The following CALN1 variants were observed in gnomAD, a reference collection of about 807,000 sequenced individuals.
The protein encoded by CALN1 is calcium-binding protein 8.
Under a neutral mutation model 30.6 loss-of-function variants are expected in CALN1, and 17 were observed. The observed-to-expected ratio is 0.56, with a 90% CI of 0.38 to 0.83. The LOEUF (loss-of-function observed/expected upper bound fraction) is 0.83, where lower values mean the gene tolerates loss of function less well. Ranked by LOEUF, CALN1 falls within the 40% of genes least tolerant of loss-of-function variation. CALN1 has a pLI of 0.00. For synonymous variants in CALN1, 156 were observed against 131.4 expected, an observed-to-expected ratio of 1.19 and a Z score of -1.28; for missense variants, 291 against 354.9, an observed-to-expected ratio of 0.82 and a Z score of 1.45.
chr7:71,962,445 AAATACC>A (rs1291615773), intron 5 of CALN1, among the ~76,000 whole-genome samples: 1 of 152,158 alleles, frequency 6.6e-6, no homozygotes, highest in African/African-American at 2.4e-5. Context: ...TACCTGTAAC[AAATACC>A]AATACCGAGT....
chr7:72,359,804 T>G (rs1803453449), intron 2 of CALN1, among the ~76,000 whole-genome samples: 1 of 151,102 alleles, frequency 6.6e-6, no homozygotes, highest in South Asian at 2.1e-4. Flanking sequence ...TGAATCCCCG[T>G]CTCTACTAAA....
the CALN1 span, among the ~76,000 whole-genome samples, chr7:72,501,948 T>TATATATATACACAC: frequency 4.1e-5 from 3 of 72,352 alleles, no homozygotes; most frequent in African/African-American, 1.5e-4. Context: ...TATATATATA[T>TATATATATACACAC]ACACACATAT....
chr7:71,792,834 T>C (rs1786652360), intron 6 of CALN1, among the ~76,000 whole-genome samples: 1 of 151,726 alleles, frequency 6.6e-6, no homozygotes, highest in African/African-American at 2.4e-5. Flanking sequence ...AGGGAGAAAG[T>C]TTTTGCTGAA....
rs560638055 is a variant in CALN1 at position 72,364,585 on chromosome 7, A to G, written c.119+38666T>C. On this transcript the variant is annotated intron_variant, in intron 2 of 6. Transcript: ENST00000395275. Reference sequence around the variant, plus strand: ...GCCTGGCAAAGTATTTGTTGGGTAAATAGATGAACAAAACACAGAATTATA... The same window carrying G: ...GCCTGGCAAAGTATTTGTTGGGTAAGTAGATGAACAAAACACAGAATTATA... 5.3e-5 allele frequency among the ~76,000 whole-genome samples: 8 copies of G among 152,330 alleles called. No individual in the cohort carries two copies. The East Asian group carries it at 5.8e-4, about 11-fold the overall frequency.
intron 3 of CALN1, among the ~76,000 whole-genome samples, chr7:72,190,215 G>T (rs975630776): frequency 1.3e-5 from 2 of 152,116 alleles, no homozygotes; most frequent in Non-Finnish European, 2.9e-5. Flanking sequence ...AATTAGCTGG[G>T]CACGGTGGCA....
chr7:72,181,515 G>C (rs1789807771), intron 3 of CALN1, among the ~76,000 whole-genome samples: 1 of 144,748 alleles, frequency 6.9e-6, no homozygotes, highest in Admixed American at 7.0e-5. Context: ...GTCTTGCTCT[G>C]TCACCCAGGC....
At chr7:71,992,705 T>C (rs1799019041) in intron 5 of CALN1, among the ~76,000 whole-genome samples, 1 of 152,174 alleles carries the variant, frequency 6.6e-6, no homozygotes, top group South Asian at 2.1e-4. Flanking sequence ...TTCTCTGGAG[T>C]TTGTGTTTCC....
chr7:72,123,572 A>C (rs1425398232), intron 3 of CALN1, among the ~76,000 whole-genome samples: 1 of 152,206 alleles, frequency 6.6e-6, no homozygotes, highest in Non-Finnish European at 1.5e-5. Context: ...AATGCGAGAC[A>C]ACTTGAGGGT....
chr7:71,833,265 A>G (rs1562821799), intron 5 of CALN1, among the ~76,000 whole-genome samples: 1 of 152,136 alleles, frequency 6.6e-6, no homozygotes, highest in Non-Finnish European at 1.5e-5. Context: ...TGTCCATGAG[A>G]CTGTGAATTC....
chr7:71,971,973 G>GAAAGAAAA (rs1562946746), intron 5 of CALN1, among the ~76,000 whole-genome samples: 2 of 96,866 alleles, frequency 2.1e-5, no homozygotes, highest in African/African-American at 3.7e-5. Flanking sequence ...AAGAAAGAAA[G>GAAAGAAAA]AAAGAAAGAA....
chr7:72,405,287 T>C (rs570837426), intron 1 of CALN1, among the ~76,000 whole-genome samples: 38 of 152,298 alleles, frequency 2.5e-4, no homozygotes, highest in African/African-American at 8.9e-4. Flanking sequence ...AACACATACA[T>C]GCACACACAC....
At chr7:72,429,056 T>C (rs898679783) in intron 1 of CALN1, among the ~76,000 whole-genome samples, 2 of 152,222 alleles carry the variant, frequency 1.3e-5, no homozygotes, top group African/African-American at 4.8e-5. Context: ...AACTGACAAA[T>C]AATATTCTTC....
At chr7:72,406,602 G>A (rs953704820) in intron 1 of CALN1, among the ~76,000 whole-genome samples, 2 of 147,640 alleles carry the variant, frequency 1.4e-5, no homozygotes, top group African/African-American at 2.5e-5. Flanking sequence ...ACCCACATGA[G>A]GGTCCTTGTC....
chr7:72,127,362 G>A (rs908216526), intron 3 of CALN1, among the ~76,000 whole-genome samples: 2 of 152,068 alleles, frequency 1.3e-5, no homozygotes, highest in Non-Finnish European at 2.9e-5. Context: ...GACCCAAGAG[G>A]GAATGGGTGG....
At chr7:72,041,340 G>T (rs1192540733) in intron 4 of CALN1, among the ~76,000 whole-genome samples, 3 of 151,926 alleles carry the variant, frequency 2.0e-5, no homozygotes, top group Admixed American at 6.6e-5. Context: ...GGGGATGGGG[G>T]TGTGATATAT....
intron 4 of CALN1, among the ~76,000 whole-genome samples, chr7:72,074,439 G>A (rs114084059): frequency 0.022 from 3,284 of 152,100 alleles, 109 homozygotes; most frequent in African/African-American, 0.075. Context: ...ACAGGGTCTC[G>A]CTCTGTCAAC....
the CALN1 span, among the ~76,000 whole-genome samples, chr7:72,463,974 AGGAAGGGAAGGAG>A: frequency 3.4e-5 from 4 of 119,002 alleles, no homozygotes; most frequent in African/African-American, 1.4e-4. Context: ...GAAGGAAGGA[AGGAAGGGAAGGAG>A]GGAGGGAGGG....
chr7:71,826,391 G>C (rs1788916928), intron 5 of CALN1, among the ~76,000 whole-genome samples: 1 of 152,226 alleles, frequency 6.6e-6, no homozygotes, highest in Non-Finnish European at 1.5e-5. Flanking sequence ...CTATGGAGCA[G>C]ACATGTGACT....
intron 1 of CALN1, among the ~76,000 whole-genome samples, chr7:72,439,575 G>A (rs1236815584): frequency 5.9e-5 from 8 of 135,206 alleles, no homozygotes; most frequent in Admixed American, 1.5e-4. Flanking sequence ...TATCCTTGTC[G>A]TTTATTCTTT....
Sources: gnomAD v4.1 joint callset for allele counts (sites outside exome capture counted in the v4.1 genomes callset) on GRCh38, gnomAD v4.1.1 for gene constraint, MANE v1.5 for transcripts, NCBI Gene and HGNC (gene_info 2026-07-23, HGNC 2026-07-21) for gene names.